The following CLYBL variants were observed in gnomAD, a reference collection of about 807,000 sequenced individuals.
CLYBL encodes citramalyl-CoA lyase, also known as citramalyl-CoA lyase, mitochondrial.
CLYBL carries 31 observed loss-of-function variants against 38.9 expected under a neutral mutation model. The ratio of observed to expected loss-of-function variants is 0.80; its 90% CI spans 0.60 to 1.08. The LOEUF is 1.08. CLYBL is among the 50% of genes least tolerant of loss of function. The pLI is 0.00. For missense variants in CLYBL, 434 were observed against 411.6 expected (o/e 1.05, Z -0.47); for synonymous variants, 171 against 158.6 (o/e 1.08, Z -0.59).
chr13:99,799,449 G>A (rs1292920393), intron 2 of CLYBL, among the ~76,000 whole-genome samples: 2 of 151,420 alleles, frequency 1.3e-5, no homozygotes, highest in Non-Finnish European at 2.9e-5. Context: ...CCTTTCTTAA[G>A]TCTTAGCAAT....
At chr13:99,675,202 G>A (rs1594113580) in intron 1 of CLYBL, among the ~76,000 whole-genome samples, 1 of 152,114 alleles carries the variant, frequency 6.6e-6, no homozygotes, top group East Asian at 1.9e-4. Flanking sequence ...CGTATTTGGA[G>A]CACTCATCAG....
chr13:99,773,331 C>T (rs2049439915), intron 2 of CLYBL, among the ~76,000 whole-genome samples: 1 of 152,204 alleles, frequency 6.6e-6, no homozygotes, highest in Admixed American at 6.5e-5. Context: ...CAGGGGTCCC[C>T]AATCCCCAGG....
chr13:99,788,529 C>T (rs1446545029), intron 2 of CLYBL, among the ~76,000 whole-genome samples: 2 of 152,184 alleles, frequency 1.3e-5, no homozygotes, highest in Non-Finnish European at 1.5e-5. Context: ...TTGAACCAGC[C>T]TTGCATCCCA....
chr13:99,720,632 T>C (rs536453557), intron 1 of CLYBL, among the ~76,000 whole-genome samples: 3 of 152,358 alleles, frequency 2.0e-5, no homozygotes, highest in East Asian at 3.9e-4. Flanking sequence ...GATTGCTTAG[T>C]TGCGTTCAAG....
chr13:99,898,354 A>G (rs1394564420), downstream of CLYBL, among the ~76,000 whole-genome samples: 1 of 152,206 alleles, frequency 6.6e-6, no homozygotes, highest in African/African-American at 2.4e-5. Flanking sequence ...GCTTAATGTT[A>G]AAAAGGGGCA....
intron 2 of CLYBL, among the ~76,000 whole-genome samples, chr13:99,779,663 T>C (rs1248140395): frequency 6.6e-6 from 1 of 152,218 alleles, no homozygotes; most frequent in East Asian, 1.9e-4. Context: ...ACTGTTACTC[T>C]CCAAGGTTGC....
chr13:99,758,841 C>T (rs572462021), intron 1 of CLYBL, among the ~76,000 whole-genome samples: 1 of 152,366 alleles, frequency 6.6e-6, no homozygotes, highest in South Asian at 2.1e-4. Context: ...TGTCCTGCCT[C>T]TGATTCACAG....
At chr13:99,831,988 T>C (rs55800514) in intron 2 of CLYBL, among the ~76,000 whole-genome samples, 9,924 of 152,302 alleles carry the variant, frequency 0.065, 357 homozygotes, top group East Asian at 0.16. Flanking sequence ...TCTGTCTCAA[T>C]AGATCTTTTG....
rs1264407284 is a variant in CLYBL at position 99,699,698 on chromosome 13, A to AAAT, written c.63-73124_63-73123insTAA. 6.4e-5 allele frequency among the ~76,000 whole-genome samples: 9 copies of AAAT among 141,472 alleles called. 1 individual carries two copies. The highest frequency in any genetic ancestry group is 4.6e-4 in the South Asian group (2 of 4,338). 92.8% of individuals were successfully genotyped at this position (141,472 alleles called of 152,430 possible). On this transcript the variant is annotated intron_variant, in intron 1 of 8. Coordinates refer to ENST00000339105, the MANE Select transcript of CLYBL (RefSeq NM_206808.5). Reference sequence around the variant, plus strand: ...ACAGACCAAGACTCCGTCTCAAAAAAAAAAATAAAAATAGGCCAGGCGCAG... The same window carrying AAAT: ...ACAGACCAAGACTCCGTCTCAAAAAAAATAAAAATAAAAATAGGCCAGGCGCAG...
chr13:99,809,152 A>G (rs750621061), intron 2 of CLYBL, among the ~76,000 whole-genome samples: 2 of 152,220 alleles, frequency 1.3e-5, no homozygotes, highest in South Asian at 2.1e-4. Flanking sequence ...CATTTGCTAA[A>G]TGAAGCCATC....
chr13:99,877,361 T>C lies in CLYBL; in HGVS notation c.927+6299T>C, dbSNP rs1407473537. Among the ~76,000 whole-genome samples the C allele has an allele frequency of 3.9e-5, 6 of 152,234 alleles. No homozygotes were observed. The East Asian group carries it at 1.2e-3, about 29-fold the overall frequency. ...CTCCCTCTAAGGATGGATGGGTCTG[T>C]GTGTGTATCTTTCTGTTCCACCCTC... On this transcript the variant is annotated intron_variant, in intron 7 of 8. Coordinates refer to ENST00000339105, the MANE Select transcript of CLYBL (RefSeq NM_206808.5).
At chr13:99,722,344 G>A (rs1162169222) in intron 1 of CLYBL, among the ~76,000 whole-genome samples, 2 of 152,104 alleles carry the variant, frequency 1.3e-5, no homozygotes, top group Non-Finnish European at 1.5e-5. Flanking sequence ...TCCCAGCCCT[G>A]GAGATTTGCT....
chr13:99,820,841 G>A (rs537927264), intron 2 of CLYBL, among the ~76,000 whole-genome samples: 1 of 152,132 alleles, frequency 6.6e-6, no homozygotes. Flanking sequence ...TATCGTGAGC[G>A]TCCATCCTGT....
At chr13:99,627,880 G>A (rs1448403807) in intron 1 of CLYBL, among the ~76,000 whole-genome samples, 1 of 152,198 alleles carries the variant, frequency 6.6e-6, no homozygotes, top group East Asian at 1.9e-4. Flanking sequence ...AATGCTGAAA[G>A]TTAGATATAC....
intron 1 of CLYBL, among the ~76,000 whole-genome samples, chr13:99,636,413 C>A (rs74547807): frequency 0.041 from 6,209 of 152,246 alleles, 445 homozygotes; most frequent in African/African-American, 0.14. Flanking sequence ...GAGGTGGGAC[C>A]TGGTGAGCCT....
chr13:99,909,357 A>G (rs537765192), exon 10 of CLYBL, among the ~76,000 whole-genome samples: 1 of 152,370 alleles, frequency 6.6e-6, no homozygotes, highest in African/African-American at 2.4e-5. Context: ...TAGTGAGTGA[A>G]TGTTTGTAAA....
intron 2 of CLYBL, among the ~76,000 whole-genome samples, chr13:99,844,448 C>T (rs1009328052): frequency 4.6e-5 from 7 of 152,318 alleles, no homozygotes; most frequent in African/African-American, 1.7e-4. Flanking sequence ...AACGTTGGAA[C>T]ACATGTATTT....
chr13:99,696,233 CTT>C (rs778242975), intron 1 of CLYBL, among the ~76,000 whole-genome samples: 5 of 141,410 alleles, frequency 3.5e-5, no homozygotes, highest in Non-Finnish European at 7.8e-5. Context: ...ATGTCAGAGA[CTT>C]TTTTTTTTTT....
chr13:99,614,781 G>T (rs1232278889), intron 1 of CLYBL, among the ~76,000 whole-genome samples: 1 of 152,198 alleles, frequency 6.6e-6, no homozygotes, highest in South Asian at 2.1e-4. Flanking sequence ...CAGGGGGGGA[G>T]GCCGGGACCT....
Sources: allele counts gnomAD v4.1 joint callset (sites outside exome capture counted in the v4.1 genomes callset), GRCh38; gene constraint gnomAD v4.1.1; transcripts MANE v1.5; gene names NCBI Gene and HGNC (gene_info 2026-07-23, HGNC 2026-07-21).